Variants in TRUB1 observed in about 807,000 individuals in gnomAD.
TRUB1 encodes the protein TruB pseudouridine synthase family member 1, also known as pseudouridylate synthase TRUB1.
Under a neutral mutation model 33.9 loss-of-function variants are expected in TRUB1, and 23 were observed. That is an observed-to-expected ratio of 0.68 (90% CI 0.49 to 0.96). The LOEUF is 0.96. TRUB1 is among the 40% of genes least tolerant of loss of function. The probability of loss-of-function intolerance (pLI) is 0.00; values close to 1 mark genes in which losing one functional copy is unlikely to be tolerated. For synonymous variants in TRUB1, 163 were observed against 165.4 expected, an observed-to-expected ratio of 0.99 and a Z score of 0.11; for missense variants, 378 against 422.2, an observed-to-expected ratio of 0.90 and a Z score of 0.92.
chr10:114,938,655 C>T (rs1330240208), intron 1 of TRUB1, 116 bp downstream of exon 1: 3 of 1,168,394 alleles, frequency 2.6e-6, no homozygotes, highest in Admixed American at 6.3e-5. Flanking sequence ...GGGAGACTGA[C>T]CATTGAATTA....
chr10:114,945,370 A>G (rs11197003), intron 2 of TRUB1, among the ~76,000 whole-genome samples: 1,943 of 152,320 alleles, frequency 0.013, 46 homozygotes, highest in African/African-American at 0.044. Flanking sequence ...TTTGAGTTGA[A>G]GCCTGTGTTT....
chr10:114,972,405 G>C, intron 6 of TRUB1, 131 bp downstream of exon 6: 1 of 1,072,046 alleles, frequency 9.3e-7, no homozygotes, highest in Admixed American at 3.0e-5. Context: ...AGGAAAGTTA[G>C]GATTTCTTTA....
intron 1 of TRUB1, among the ~76,000 whole-genome samples, chr10:114,940,478 G>T (rs1183210401): frequency 2.0e-5 from 3 of 152,190 alleles, no homozygotes; most frequent in Admixed American, 6.5e-5. Context: ...ACCATGATCA[G>T]TGGTTGTGTC....
intron 5 of TRUB1, 51 bp downstream of exon 5, chr10:114,970,491 G>C: frequency 1.5e-6 from 2 of 1,321,234 alleles, no homozygotes; most frequent in East Asian, 4.6e-5. Context: ...TTTTCCAATG[G>C]TTAACATCAC....
At chr10:114,956,605 A>G (rs924359332) in intron 3 of TRUB1, among the ~76,000 whole-genome samples, 9 of 152,176 alleles carry the variant, frequency 5.9e-5, no homozygotes, top group Non-Finnish European at 1.2e-4. Context: ...ATCGGTTCGC[A>G]GGGTGTGGTC....
At chr10:114,952,881 G>A (rs2084243280) in intron 3 of TRUB1, among the ~76,000 whole-genome samples, 1 of 151,738 alleles carries the variant, frequency 6.6e-6, no homozygotes, top group South Asian at 2.1e-4. Context: ...GATGAACAAT[G>A]TTTACTTTAA....
chr10:114,955,350 G>C (rs1175879601), intron 3 of TRUB1, among the ~76,000 whole-genome samples: 1 of 152,176 alleles, frequency 6.6e-6, no homozygotes, highest in Admixed American at 6.5e-5. Context: ...ATGAGGTTTT[G>C]GAGTGCTGTC....
At chr10:114,943,327 C>T (rs117626937) in intron 2 of TRUB1, among the ~76,000 whole-genome samples, 4,268 of 152,112 alleles carry the variant, frequency 0.028, 80 homozygotes, top group Middle Eastern at 0.065. Context: ...GTCAGGAATT[C>T]GAGACGAGCC....
chr10:114,959,937 A>T (rs2084278309), intron 4 of TRUB1, 130 bp downstream of exon 4: 2 of 618,614 alleles, frequency 3.2e-6, no homozygotes, highest in African/African-American at 3.8e-5. Context: ...TGGGCTAAGA[A>T]GATTGGAAAT....
intron 3 of TRUB1, among the ~76,000 whole-genome samples, chr10:114,958,312 C>G (rs914603965): frequency 6.6e-6 from 1 of 152,078 alleles, no homozygotes; most frequent in East Asian, 1.9e-4. Flanking sequence ...TAATTTTTGT[C>G]AATACCTATG....
At chr10:114,940,620 G>A (rs563605422) in intron 1 of TRUB1, among the ~76,000 whole-genome samples, 6 of 152,148 alleles carry the variant, frequency 3.9e-5, no homozygotes, top group Admixed American at 2.0e-4. Context: ...AAAAATCCAC[G>A]AATACTTAGT....
Position 114,970,379 on chromosome 10 carries a change from C to A in TRUB1, c.535C>A (p.Gln179Lys), listed in dbSNP as rs1390137583. The A allele has an allele frequency of 1.2e-6, 2 of 1,610,516 alleles. No individual in the cohort carries two copies. The highest frequency in any genetic ancestry group is 3.3e-5 in the Admixed American group (2 of 59,870). The change falls in exon 5 of 8, where the codon CAA becomes AAA. Residue 179 changes from glutamine (Q) to lysine (K), a missense_variant. Coordinates refer to ENST00000298746, the MANE Select transcript of TRUB1 (RefSeq NM_139169.5). ...TTGATTTTTGGCAGATAAAATAACACAAGAAGATATTGAAGGCATTCTACA... is the reference window on the plus strand; with the variant it reads ...TTGATTTTTGGCAGATAAAATAACAAAAGAAGATATTGAAGGCATTCTACA... ...TEEKPYDKIT[Q>K]EDIEGILQKF...
At chr10:114,949,195 GT>G (rs1360371214) in intron 2 of TRUB1, among the ~76,000 whole-genome samples, 1 of 152,198 alleles carries the variant, frequency 6.6e-6, no homozygotes, top group Non-Finnish European at 1.5e-5. Flanking sequence ...GTTAGGAAAT[GT>G]GTCACAGGTT....
At chr10:114,968,315 A>G (rs12098332) in intron 4 of TRUB1, among the ~76,000 whole-genome samples, 2 of 151,920 alleles carry the variant, frequency 1.3e-5, no homozygotes, top group Admixed American at 1.3e-4. Flanking sequence ...CATAAAGGAG[A>G]ACACAGTTGC....
chr10:114,973,051 G>A (rs2084344129), intron 6 of TRUB1, among the ~76,000 whole-genome samples: 1 of 151,930 alleles, frequency 6.6e-6, no homozygotes, highest in South Asian at 2.1e-4. Flanking sequence ...TAGAAATAAT[G>A]TCCCCAAATC....
chr10:114,949,168 T>C (rs895756403), intron 2 of TRUB1, among the ~76,000 whole-genome samples: 4 of 152,264 alleles, frequency 2.6e-5, no homozygotes, highest in African/African-American at 9.6e-5. Context: ...CCTGATGAGA[T>C]TATAAGCTGT....
chr10:114,972,314 A>G (rs2084340760), intron 6 of TRUB1, 40 bp downstream of exon 6: 1 of 1,557,500 alleles, frequency 6.4e-7, no homozygotes, highest in East Asian at 2.3e-5. Flanking sequence ...ATTTACGTGT[A>G]TTTTTAATTT....
At chr10:114,943,478 C>G (rs1037754556) in intron 2 of TRUB1, among the ~76,000 whole-genome samples, 2 of 152,034 alleles carry the variant, frequency 1.3e-5, no homozygotes, top group Non-Finnish European at 2.9e-5. Flanking sequence ...TTCAGTGAGC[C>G]GAGATCGCAC....
At chr10:114,961,246 A>G (rs1444277326) in intron 4 of TRUB1, among the ~76,000 whole-genome samples, 1 of 152,052 alleles carries the variant, frequency 6.6e-6, no homozygotes. Flanking sequence ...CCAAGCAGAG[A>G]TGATGGTAAG....
Sources: allele counts gnomAD v4.1 joint callset (sites outside exome capture counted in the v4.1 genomes callset), GRCh38; gene constraint gnomAD v4.1.1; transcripts MANE v1.5; gene names NCBI Gene and HGNC (gene_info 2026-07-23, HGNC 2026-07-21).